USP9X: variants seen among roughly 807,000 people sequenced by gnomAD.
The protein encoded by USP9X is ubiquitin carboxyl-terminal hydrolase 9X.
Under a neutral mutation model 190.3 loss-of-function variants are expected in USP9X, and 7 were observed. That is an observed-to-expected ratio of 0.04 (90% CI 0.02 to 0.07). The LOEUF is 0.07. Ranked by LOEUF, USP9X falls within the 10% of genes least tolerant of loss-of-function variation. USP9X has a pLI of 1.00. For missense variants in USP9X, 1,010 were observed against 1,916.9 expected, an observed-to-expected ratio of 0.53 and a Z score of 8.83; for synonymous variants, 645 against 659.5, an observed-to-expected ratio of 0.98 and a Z score of 0.34.
chrX:41,201,365 C>G (rs973437938), intron 31 of USP9X, 85 bp downstream of exon 31: 36 of 907,814 alleles, frequency 4.0e-5, no homozygotes, highest in Non-Finnish European at 5.2e-5. Context: ...GTTATACTTT[C>G]ATCAAACGTA....
chrX:41,125,716 T>TCGCG (rs1158615913), intron 2 of USP9X, among the ~76,000 whole-genome samples: 5 of 100,763 alleles, frequency 5.0e-5, no homozygotes, highest in African/African-American at 2.0e-4. Flanking sequence ...TCTCTCTCTC[T>TCGCG]CTCGCGCACG....
At chrX:41,175,349 A>G (rs752825267) in intron 21 of USP9X, among the ~76,000 whole-genome samples, 1 of 110,128 alleles carries the variant, frequency 9.1e-6, no homozygotes, top group South Asian at 3.9e-4. Flanking sequence ...GCCAGACTTC[A>G]TTTCTATTAA....
intron 23 of USP9X, 157 bp downstream of exon 23, chrX:41,184,832 A>C (rs749325376): frequency 2.2e-6 from 1 of 452,450 alleles, no homozygotes; most frequent in Admixed American, 4.6e-5. Flanking sequence ...AAAAGTGCAA[A>C]TACTTTTCGC....
chrX:41,095,196 A>G (rs2061980969), intron 1 of USP9X, among the ~76,000 whole-genome samples: 1 of 112,035 alleles, frequency 8.9e-6, no homozygotes, highest in South Asian at 3.7e-4. Context: ...CCAGACAGTT[A>G]TACAGTGCAA....
chrX:41,147,415 C>T (rs2062477229), intron 11 of USP9X, among the ~76,000 whole-genome samples: 1 of 106,804 alleles, frequency 9.4e-6, no homozygotes, highest in Admixed American at 1.0e-4. Context: ...TTAATAATTC[C>T]ATTGAACTAA....
At chrX:41,168,822 G>A (rs902828990) in intron 18 of USP9X, among the ~76,000 whole-genome samples, 6 of 112,300 alleles carry the variant, frequency 5.3e-5, no homozygotes, top group African/African-American at 1.6e-4. Context: ...AAGCTGCCTT[G>A]CATGGCATAT....
chrX:41,224,878 A>G lies in USP9X; in HGVS notation c.6888A>G (p.Ser2296=). 8.2e-7 allele frequency: 1 copy of G among 1,212,183 alleles called. No individual in the cohort carries two copies. Among genetic ancestry groups the G allele is most frequent in the Non-Finnish European group, 1.1e-6 (1 of 895,613 alleles). Residue 2296 remains serine (S), a synonymous_variant, in exon 40 of 45, where the codon TCA becomes TCG. Transcript: ENST00000378308. The part of the protein sequence containing the change: ...VKKIIEDCSN[S]EETVKLLRFC... ...AAATCATTGAAGACTGCAGTAATTC[A>G]GAGGAAACCGTCAAATTGCTTCGTT...
chrX:41,119,885 A>G (rs1429161845), intron 1 of USP9X, among the ~76,000 whole-genome samples: 1 of 112,791 alleles, frequency 8.9e-6, no homozygotes, highest in Admixed American at 9.3e-5. Flanking sequence ...TGGCTAAGGA[A>G]AATGATATGC....
chrX:41,126,734 C>T (rs1429254767), intron 2 of USP9X, among the ~76,000 whole-genome samples: 5 of 111,510 alleles, frequency 4.5e-5, no homozygotes, highest in African/African-American at 1.6e-4. Context: ...TTTTTCTCTA[C>T]TTTTTAATGT....
In USP9X at chrX:41,170,154, T is replaced by C; in HGVS notation, c.2796T>C (p.Ile932=). 1 of 1,211,918 alleles carries C rather than the reference T, an allele frequency of 8.3e-7. No homozygotes were observed. The highest frequency in any genetic ancestry group is 1.1e-6 in the Non-Finnish European group (1 of 895,486). ...AAGCCAACGTAGCCCATACAAAAAT[T>C]GAGCTCTTTGTGGGCGGTGAGCTGA... is the stretch of plus-strand genomic sequence containing the variant. ...RIKANVAHTK[I]ELFVGGELID... The change falls in exon 19 of 45, where the codon ATT becomes ATC. Residue 932 remains isoleucine, a synonymous_variant. Coordinates refer to ENST00000378308, the MANE Select transcript of USP9X (RefSeq NM_001039591.3).
chrX:41,175,772 T>TACAC (rs769385399), intron 21 of USP9X, among the ~76,000 whole-genome samples: 1 of 110,117 alleles, frequency 9.1e-6, no homozygotes, highest in East Asian at 2.9e-4. Context: ...ACTATATATA[T>TACAC]ACACACACAC....
intron 11 of USP9X, among the ~76,000 whole-genome samples, chrX:41,147,023 G>A (rs918883881): frequency 9.0e-6 from 1 of 111,338 alleles, no homozygotes; most frequent in Non-Finnish European, 1.9e-5. Flanking sequence ...TTAGAAGTGA[G>A]TTTTAATCAG....
intron 1 of USP9X, among the ~76,000 whole-genome samples, chrX:41,102,407 C>T (rs2062040591): frequency 9.0e-6 from 1 of 110,716 alleles, no homozygotes; most frequent in Admixed American, 9.6e-5. Flanking sequence ...CACTTGAGGT[C>T]AGGAGTTCAA....
At chrX:41,106,344 A>T (rs867236130) in intron 1 of USP9X, among the ~76,000 whole-genome samples, 2 of 110,523 alleles carry the variant, frequency 1.8e-5, no homozygotes, top group Non-Finnish European at 3.8e-5. Flanking sequence ...AGTAGGCTCA[A>T]CAATGAATTA....
intron 2 of USP9X, among the ~76,000 whole-genome samples, chrX:41,124,076 C>G (rs1038322716): frequency 1.2e-4 from 13 of 109,181 alleles, no homozygotes; most frequent in East Asian, 2.9e-4. Context: ...ATTGGTGGGT[C>G]TACTGTTGGG....
intron 38 of USP9X, among the ~76,000 whole-genome samples, chrX:41,220,443 G>A (rs1238197755): frequency 8.9e-6 from 1 of 112,071 alleles, no homozygotes; most frequent in Non-Finnish European, 1.9e-5. Flanking sequence ...ATATGCATTG[G>A]GATTGAGAAT....
chrX:41,150,181 T>G (rs1184657990), intron 12 of USP9X, among the ~76,000 whole-genome samples: 1 of 109,847 alleles, frequency 9.1e-6, no homozygotes, highest in African/African-American at 3.3e-5. Context: ...CTCCACAAAA[T>G]TGTTTTCCTT....
rs1031336743 is a variant in USP9X at position 41,186,652 on chromosome X, A to T, written c.3684+10A>T. The T allele has an allele frequency of 2.7e-5, 33 of 1,208,902 alleles. No individual in the cohort carries two copies. Among genetic ancestry groups the T allele is most frequent in the Non-Finnish European group, 3.6e-5 (32 of 893,997 alleles). ...GCAGATATCTGATGAGGTTAGTTTT[A>T]TCAAGACTTCTGTCACAATTTTAAC... is the stretch of plus-strand genomic sequence containing the variant. On this transcript the variant is annotated intron_variant, in intron 24 of 44. Coordinates refer to ENST00000378308, the MANE Select transcript of USP9X (RefSeq NM_001039591.3).
At chrX:41,095,514 G>A (rs1388647181) in intron 1 of USP9X, among the ~76,000 whole-genome samples, 1 of 112,140 alleles carries the variant, frequency 8.9e-6, no homozygotes, top group African/African-American at 3.2e-5. Flanking sequence ...GTGCCCTGGG[G>A]GCAAAATTGA....
Sources: allele counts gnomAD v4.1 joint callset (sites outside exome capture counted in the v4.1 genomes callset), GRCh38; gene constraint gnomAD v4.1.1; transcripts MANE v1.5; gene names NCBI Gene and HGNC (gene_info 2026-07-23, HGNC 2026-07-21).